Variants in CBLB observed in about 807,000 individuals in gnomAD.
CBLB encodes the protein Cbl proto-oncogene B.
A neutral mutation model predicts 104.9 loss-of-function variants in CBLB; 31 were observed. The observed-to-expected ratio is 0.30, with a 90% CI of 0.22 to 0.40. CBLB has a LOEUF of 0.40. Among genes scored for constraint, CBLB ranks in the 10% least tolerant of loss-of-function variants. CBLB has a pLI of 1.00. For synonymous variants in CBLB, 440 were observed against 422.6 expected (o/e 1.04, Z -0.51); for missense variants, 1,062 against 1,214.6 (o/e 0.87, Z 1.87).
At chr3:105,842,837 G>A (rs2089734825) in intron 3 of CBLB, among the ~76,000 whole-genome samples, 1 of 152,156 alleles carries the variant, frequency 6.6e-6, no homozygotes, top group Non-Finnish European at 1.5e-5. Context: ...TGTTAGATGG[G>A]TATTGTTACT....
intron 4 of CBLB, among the ~76,000 whole-genome samples, chr3:105,766,422 G>A (rs1158935291): frequency 1.3e-5 from 2 of 152,176 alleles, no homozygotes; most frequent in Non-Finnish European, 2.9e-5. Context: ...TTATCAAACA[G>A]CATTGCATGT....
At chr3:105,792,676 G>A (rs1047126873) in intron 3 of CBLB, among the ~76,000 whole-genome samples, 4 of 152,120 alleles carry the variant, frequency 2.6e-5, no homozygotes, top group African/African-American at 7.2e-5. Flanking sequence ...GAAAGAGGGC[G>A]GCTCTTTCCT....
At chr3:105,667,832 C>A (rs2064642773) in intron 18 of CBLB, among the ~76,000 whole-genome samples, 1 of 152,240 alleles carries the variant, frequency 6.6e-6, no homozygotes, top group South Asian at 2.1e-4. Flanking sequence ...TAAGGCAGAG[C>A]AATCATACCA....
rs547102835 is a variant in CBLB at position 105,818,555 on chromosome 3, ATTTAC to A, written c.419+34854_419+34858del. Among the ~76,000 whole-genome samples the A allele has an allele frequency of 1.9e-4, 29 of 152,284 alleles. No homozygotes were observed. The South Asian group carries it at 4.8e-3, about 25-fold the overall frequency. ...AAATTTATGAAATTAAGGCAACTTA[ATTTAC>A]GTTAAAAACTCAAACTTACCAGCAA... On this transcript the variant is annotated intron_variant, in intron 3 of 18. Coordinates refer to ENST00000394030, the MANE Select transcript of CBLB (RefSeq NM_170662.5).
Position 105,801,788 on chromosome 3 carries a change from T to A in CBLB, c.420-25246A>T, listed in dbSNP as rs919492683. ...ATGACAAAAAGTGTGTTAAAACTCC[T>A]TGGGATAAGAATCAAGGATATTGAA... On this transcript the variant is annotated intron_variant, in intron 3 of 18. Coordinates refer to ENST00000394030, the MANE Select transcript of CBLB (RefSeq NM_170662.5). Among the ~76,000 whole-genome samples the A allele has an allele frequency of 2.0e-5, 3 of 152,196 alleles. No homozygotes were observed. The East Asian group carries it at 5.8e-4, about 29-fold the overall frequency.
At chr3:105,862,791 A>G (rs2092195964) in intron 2 of CBLB, among the ~76,000 whole-genome samples, 1 of 152,030 alleles carries the variant, frequency 6.6e-6, no homozygotes, top group Admixed American at 6.6e-5. Flanking sequence ...TCAACAATCT[A>G]TCATTCCTTC....
Position 105,655,753 on chromosome 3 carries a change from C to T in CBLB, c.*3217G>A, listed in dbSNP as rs1185859134. 1 of 207,382 alleles carries T rather than the reference C, an allele frequency of 4.8e-6. No homozygotes were observed. Among genetic ancestry groups the T allele is most frequent in the African/African-American group, 2.3e-5 (1 of 43,936 alleles). 12.8% of individuals were successfully genotyped at this position (207,382 alleles called of 1,614,324 possible). ...ATTCAAGTATACTGTAATTTGCTTC[C>T]AAATCTGTTAGCTGAAGAGAGAAAC... On this transcript the variant is annotated 3_prime_UTR_variant, in exon 19 of 19. Coordinates refer to ENST00000394030, the MANE Select transcript of CBLB (RefSeq NM_170662.5).
intron 3 of CBLB, among the ~76,000 whole-genome samples, chr3:105,792,199 A>T (rs1233102177): frequency 6.6e-6 from 1 of 152,176 alleles, no homozygotes; most frequent in Non-Finnish European, 1.5e-5. Context: ...GTTTAGCAGG[A>T]CCCTCAAAAG....
rs954925332 is a variant in CBLB, at chr3:105,670,256, T to C, written c.2666A>G (p.Tyr889Cys). The C allele has an allele frequency of 9.9e-6, 16 of 1,613,066 alleles. No individual in the cohort carries two copies. Among genetic ancestry groups the C allele is most frequent in the Non-Finnish European group, 1.3e-5 (15 of 1,179,192 alleles). Residue 889 changes from tyrosine to cysteine, a missense_variant, in exon 18 of 19, where the codon TAT becomes TGT. Transcript: ENST00000394030. ...ACCTGAACATGAAGGAAGCTGATCA[T>C]AGTCCTGTGATGTTCTGTTAGTTTT... ...NVKTNRTSQD[Y>C]DQLPSCSDGS... is the part of the protein sequence containing the mutation.
chr3:105,778,568 AAC>A lies in CBLB; in HGVS notation c.420-2028_420-2027del, dbSNP rs1181690196. ...TCTTCCTTAAAAAAGTTTAAAAAAA[AAC>A]AGTCACCTATTTCCATAACTTATCT... is the stretch of plus-strand genomic sequence containing the variant. On this transcript the variant is annotated intron_variant, in intron 3 of 18. Coordinates refer to ENST00000394030, the MANE Select transcript of CBLB (RefSeq NM_170662.5). Among the ~76,000 whole-genome samples, 4 of 152,284 alleles carry A rather than the reference AAC, an allele frequency of 2.6e-5. No individual in the cohort carries two copies. In the East Asian group the frequency reaches 7.7e-4, roughly 29 times the overall value.
chr3:105,705,171 T>G (rs2152792358), intron 10 of CBLB, among the ~76,000 whole-genome samples: 1 of 152,332 alleles, frequency 6.6e-6, no homozygotes, highest in East Asian at 1.9e-4. Flanking sequence ...GTAAGCCATT[T>G]TCCTCCTAAC....
At chr3:105,807,656 A>T (rs1389014255) in intron 3 of CBLB, among the ~76,000 whole-genome samples, 1 of 152,122 alleles carries the variant, frequency 6.6e-6, no homozygotes, top group Non-Finnish European at 1.5e-5. Flanking sequence ...ACATAATGAG[A>T]ATTTATTTTT....
intron 3 of CBLB, among the ~76,000 whole-genome samples, chr3:105,809,388 G>A (rs2083955117): frequency 6.6e-6 from 1 of 152,144 alleles, no homozygotes; most frequent in Non-Finnish European, 1.5e-5. Flanking sequence ...TTAACTCCTT[G>A]AGCAGCTTAG....
rs1424979641 is a variant in CBLB at position 105,663,758 on chromosome 3, G to C, written c.2690-4529C>G. Among the ~76,000 whole-genome samples the C allele has an allele frequency of 2.0e-5, 3 of 152,012 alleles. No homozygotes were observed. In the South Asian group the frequency reaches 6.2e-4, roughly 32 times the overall value. On this transcript the variant is annotated intron_variant, in intron 18 of 18. Coordinates refer to ENST00000394030, the MANE Select transcript of CBLB (RefSeq NM_170662.5). ...GACGGGGGCAATCATTGGTTCTTGT[G>C]GGATGAAAGAAAACAATTTTAGATG...
intron 3 of CBLB, among the ~76,000 whole-genome samples, chr3:105,827,214 G>A (rs1360349517): frequency 1.9e-5 from 2 of 103,694 alleles, no homozygotes; most frequent in African/African-American, 7.0e-5. Context: ...ATTCAGTGAA[G>A]CTATATTCCA....
chr3:105,765,336 G>A (rs1468987867), intron 4 of CBLB, among the ~76,000 whole-genome samples: 1 of 152,006 alleles, frequency 6.6e-6, no homozygotes, highest in African/African-American at 2.4e-5. Flanking sequence ...AATAAAGGTT[G>A]AAAAAGAAAA....
chr3:105,659,664 T>C (rs1308267817), intron 18 of CBLB, among the ~76,000 whole-genome samples: 1 of 152,190 alleles, frequency 6.6e-6, no homozygotes, highest in African/African-American at 2.4e-5. Context: ...AGAGGAAACT[T>C]TGTTCACAAG....
chr3:105,842,861 T>C (rs1030536152), intron 3 of CBLB, among the ~76,000 whole-genome samples: 4 of 152,232 alleles, frequency 2.6e-5, no homozygotes, highest in Admixed American at 6.5e-5. Context: ...AGCCAACTTA[T>C]ATACTCAGTC....
intron 12 of CBLB, among the ~76,000 whole-genome samples, chr3:105,698,160 T>G (rs1305377599): frequency 2.0e-5 from 3 of 152,054 alleles, no homozygotes; most frequent in Admixed American, 6.6e-5. Context: ...CTTTTGATTA[T>G]GCTAGGTAGG....
Sources: gnomAD v4.1 joint callset for allele counts (sites outside exome capture counted in the v4.1 genomes callset) on GRCh38, gnomAD v4.1.1 for gene constraint, MANE v1.5 for transcripts, NCBI Gene and HGNC (gene_info 2026-07-23, HGNC 2026-07-21) for gene names.